The following PCDHGB1 variants were observed in gnomAD, a reference collection of about 807,000 sequenced individuals.
PCDHGB1 encodes the protein protocadherin gamma subfamily B, 1.
PCDHGB1 carries 34 observed loss-of-function variants against 56.6 expected under a neutral mutation model. That is an observed-to-expected ratio of 0.60 (90% CI 0.46 to 0.80). The LOEUF (loss-of-function observed/expected upper bound fraction) is 0.80. Among genes scored for constraint, PCDHGB1 ranks in the 30% least tolerant of loss-of-function variants. The pLI is 0.00. For synonymous variants in PCDHGB1, 561 were observed against 505.9 expected (o/e 1.11, Z -1.46); for missense variants, 1,278 against 1,204.6 (o/e 1.06, Z -0.90).
In PCDHGB1 at chr5:141,432,613, G is replaced by A. The variant is rs1461837957; in HGVS notation, c.2410-62194G>A. 6.2e-7 allele frequency: 1 copy of A among 1,613,946 alleles called. No homozygotes were observed. The highest frequency in any genetic ancestry group is 1.3e-5 in the African/African-American group (1 of 75,056). On this transcript the variant is annotated intron_variant, in intron 1 of 3. Coordinates refer to ENST00000523390, the MANE Select transcript of PCDHGB1 (RefSeq NM_018922.3). The surrounding 1 kb of genome is among the most constrained non-coding windows in gnomAD (Gnocchi z 6.0). ...AGGCCAGCGAGCCGGGACTCTTCTC[G>A]GTGGGTCTGCACACGGGCGAGGTGC...
At chr5:141,382,125 GC>G (rs1470370841) in intron 1 of PCDHGB1, among the ~76,000 whole-genome samples, 1 of 151,872 alleles carries the variant, frequency 6.6e-6, no homozygotes, top group East Asian at 1.9e-4. Flanking sequence ...ACAGCACCTG[GC>G]CCCCCCTCTC....
At position 141,489,049 on chromosome 5, in the gene PCDHGB1, T is replaced by G; in HGVS notation, c.2410-5758T>G. 2.1e-6 allele frequency: 1 copy of G among 477,660 alleles called. No homozygotes were observed. Among genetic ancestry groups the G allele is most frequent in the Non-Finnish European group, 3.7e-6 (1 of 272,910 alleles). 29.6% of individuals were successfully genotyped at this position (477,660 alleles called of 1,614,324 possible). On this transcript the variant is annotated intron_variant, in intron 1 of 3. Transcript: ENST00000523390. The surrounding 1 kb of genome is among the most constrained non-coding windows in gnomAD (Gnocchi z 4.5). ...CTCCAGCTCCCCAGCTCCACTCAAA[T>G]TCAGCTCCCCTCCCCCCTGCCCACC... is the stretch of plus-strand genomic sequence containing the variant.
rs187177915 is a variant in PCDHGB1 at position 141,472,338 on chromosome 5, G to A, written c.2410-22469G>A. ...AGGCAGATCACGAGGTTGGGAGATC[G>A]AGACCATCCTGGCTAACACGGTGAA... On this transcript the variant is annotated intron_variant, in intron 1 of 3. Transcript: ENST00000523390. Among the ~76,000 whole-genome samples, 23 of 151,526 alleles carry A rather than the reference G, an allele frequency of 1.5e-4. No homozygotes were observed. The East Asian group carries it at 3.2e-3, about 21-fold the overall frequency.
chr5:141,433,047 C>T (rs1561867159), intron 1 of PCDHGB1: 1 of 1,614,046 alleles, frequency 6.2e-7, no homozygotes, highest in African/African-American at 1.3e-5. Flanking sequence ...ACCACGGACT[C>T]GCGGAAGAGT....
chr5:141,400,699 A>G (rs1040547233), intron 1 of PCDHGB1: 1 of 733,556 alleles, frequency 1.4e-6, no homozygotes, highest in Non-Finnish European at 2.2e-6. Flanking sequence ...TATGTCGCAT[A>G]AAAGAAGTAG....
intron 1 of PCDHGB1, chr5:141,387,669 T>A: frequency 1.4e-6 from 1 of 693,784 alleles, no homozygotes; most frequent in East Asian, 2.8e-5. Context: ...GCGCTCCAGA[T>A]CTCCTCGCGC....
At chr5:141,497,464 T>C (rs1277760390) in intron 2 of PCDHGB1, among the ~76,000 whole-genome samples, 1 of 151,764 alleles carries the variant, frequency 6.6e-6, no homozygotes, top group Admixed American at 6.6e-5. Context: ...CTTGGAGATA[T>C]GGAGGAGAAG....
chr5:141,408,022 G>A (rs915978239), intron 1 of PCDHGB1: 1 of 1,056,122 alleles, frequency 9.5e-7, no homozygotes, highest in Non-Finnish European at 1.3e-6. Context: ...GCCAACAACA[G>A]AAAGAAGAAA....
At position 141,511,349 on chromosome 5, in the gene PCDHGB1, C is replaced by CG; in HGVS notation, c.*176_*177insG. On this transcript the variant is annotated 3_prime_UTR_variant, in exon 4 of 4. Coordinates refer to ENST00000523390, the MANE Select transcript of PCDHGB1 (RefSeq NM_018922.3). The stretch of plus-strand genomic sequence containing the variant: ...GCCCAGTCAGCACCTACCCCTTCCC[C>CG]CCCAGGGGGTTGAATATGCAAAAGC... 7.1e-7 allele frequency: 1 copy of CG among 1,401,498 alleles called. No homozygotes were observed. Among genetic ancestry groups the CG allele is most frequent in the African/African-American group, 1.5e-5 (1 of 68,948 alleles). 86.8% of individuals were successfully genotyped at this position (1,401,498 alleles called of 1,614,324 possible).
intron 1 of PCDHGB1, chr5:141,419,330 C>T: frequency 1.2e-6 from 2 of 1,613,956 alleles, no homozygotes; most frequent in South Asian, 1.1e-5. Flanking sequence ...CTCCTACTCT[C>T]TCATTGCCAG....
intron 1 of PCDHGB1, chr5:141,403,576 C>T (rs976638680): frequency 1.9e-6 from 3 of 1,613,946 alleles, no homozygotes; most frequent in Non-Finnish European, 2.5e-6. Context: ...CAACTGCCCA[C>T]CACCTGGTCC....
intron 1 of PCDHGB1, chr5:141,355,860 G>T (rs1289299237): frequency 2.5e-6 from 4 of 1,612,220 alleles, no homozygotes; most frequent in Non-Finnish European, 3.4e-6. Flanking sequence ...GAGGTGACCC[G>T]GTTCGCTCTG....
chr5:141,425,555 A>C (rs1282440598), intron 1 of PCDHGB1, among the ~76,000 whole-genome samples: 2 of 152,388 alleles, frequency 1.3e-5, no homozygotes, highest in Middle Eastern at 6.8e-3. Context: ...AACCTCTTTT[A>C]TAAGTGATAA....
intron 1 of PCDHGB1, chr5:141,371,387 T>A: frequency 6.2e-7 from 1 of 1,613,964 alleles, no homozygotes; most frequent in Non-Finnish European, 8.5e-7. Flanking sequence ...CTGCATATTG[T>A]AAAGTACAGA....
Position 141,432,741 on chromosome 5 carries a change from C to A in PCDHGB1, c.2410-62066C>A. 6.2e-7 allele frequency: 1 copy of A among 1,614,106 alleles called. No individual in the cohort carries two copies. The highest frequency in any genetic ancestry group is 8.5e-7 in the Non-Finnish European group (1 of 1,179,988). On this transcript the variant is annotated intron_variant, in intron 1 of 3. Transcript: ENST00000523390. The surrounding 1 kb of genome is among the most constrained non-coding windows in gnomAD (Gnocchi z 6.0). ...CCTCTCTCCGCCACTGTCACGCTCA[C>A]CGTGGCCGTGGCCGACAGCATCCCC...
At chr5:141,371,577 G>C (rs202142331) in intron 1 of PCDHGB1, 2 of 1,613,866 alleles carry the variant, frequency 1.2e-6, no homozygotes, top group Admixed American at 3.3e-5. Flanking sequence ...CTTTAAAATC[G>C]TTCAAGATAC....
At chr5:141,365,743 CT>C (rs2149881259) in intron 1 of PCDHGB1, 1 of 1,613,828 alleles carries the variant, frequency 6.2e-7, no homozygotes, top group Non-Finnish European at 8.5e-7. Context: ...GTGTCTCTAT[CT>C]TCTCTGTGAC....
intron 1 of PCDHGB1, among the ~76,000 whole-genome samples, chr5:141,446,882 G>A (rs1419213225): frequency 1.3e-5 from 2 of 152,086 alleles, no homozygotes; most frequent in African/African-American, 4.8e-5. Flanking sequence ...TATGTTTTGG[G>A]GTTCATGGCT....
chr5:141,403,241 G>C, intron 1 of PCDHGB1: 1 of 1,613,956 alleles, frequency 6.2e-7, no homozygotes. Flanking sequence ...GGAGCTCTGT[G>C]CTCAGAGCCC....
Sources: gnomAD v4.1 joint callset for allele counts (sites outside exome capture counted in the v4.1 genomes callset) on GRCh38, gnomAD v4.1.1 for gene constraint, Gnocchi (gnomAD v3.1) non-coding constraint, MANE v1.5 for transcripts, NCBI Gene and HGNC (gene_info 2026-07-23, HGNC 2026-07-21) for gene names.